Variants in OCLN observed in about 807,000 individuals in gnomAD.
OCLN encodes the protein phosphatase 1, regulatory subunit 115.
OCLN carries 21 observed loss-of-function variants against 47.9 expected under a neutral mutation model. The ratio of observed to expected loss-of-function variants is 0.44; its 90% CI spans 0.31 to 0.63. OCLN has a LOEUF of 0.63. Among genes scored for constraint, OCLN ranks in the 30% least tolerant of loss-of-function variants. The pLI, the probability that OCLN is intolerant of heterozygous loss-of-function variation, is 0.08. For synonymous variants in OCLN, 117 were observed against 198.4 expected (o/e 0.59, Z 3.45); for missense variants, 360 against 571.0 (o/e 0.63, Z 3.77).
At chr5:69,531,739 T>G (rs1769437835) in intron 4 of OCLN, among the ~76,000 whole-genome samples, 1 of 152,370 alleles carries the variant, frequency 6.6e-6, no homozygotes, top group African/African-American at 2.4e-5. Context: ...TCTCTGAATG[T>G]TAAACAATCA....
rs556642073 is a variant in OCLN at position 69,533,794 on chromosome 5, A to G, written c.892-900A>G. Among the ~76,000 whole-genome samples the G allele has an allele frequency of 1.5e-3, 232 of 152,294 alleles. 1 individual carries two copies. Among genetic ancestry groups the G allele is most frequent in the African/African-American group, 5.5e-3 (227 of 41,556 alleles). ...CAGCCTCCCGAGTAGCTGGGACTACAGGTGCATGCCACCACGCCCAGCTAA... is the reference window on the plus strand; with the variant it reads ...CAGCCTCCCGAGTAGCTGGGACTACGGGTGCATGCCACCACGCCCAGCTAA... On this transcript the variant is annotated intron_variant, in intron 4 of 8. Coordinates refer to ENST00000396442, the MANE Select transcript of OCLN (RefSeq NM_001205254.2).
At chr5:69,526,386 T>C (rs946974003) in intron 4 of OCLN, among the ~76,000 whole-genome samples, 1 of 152,180 alleles carries the variant, frequency 6.6e-6, no homozygotes, top group African/African-American at 2.4e-5. Flanking sequence ...GATGATTGGC[T>C]CACAGGCTGG....
chr5:69,504,775 A>T (rs547512437), intron 2 of OCLN, among the ~76,000 whole-genome samples: 29 of 151,786 alleles, frequency 1.9e-4, no homozygotes, highest in African/African-American at 6.5e-4. Context: ...TCTCTACTAA[A>T]AATACAAAAA....
intron 3 of OCLN, among the ~76,000 whole-genome samples, chr5:69,512,956 C>T (rs915683283): frequency 1.3e-5 from 2 of 152,070 alleles, no homozygotes; most frequent in Non-Finnish European, 2.9e-5. Flanking sequence ...GGAGTTAGAC[C>T]TCTAGTATCT....
chr5:69,521,397 C>G (rs959765509), intron 4 of OCLN, among the ~76,000 whole-genome samples: 14 of 152,286 alleles, frequency 9.2e-5, no homozygotes, highest in Admixed American at 5.2e-4. Context: ...TGAACATTCT[C>G]TCACATGTCT....
chr5:69,550,536 A>AAATT (rs1769839403), intron 7 of OCLN, among the ~76,000 whole-genome samples: 1 of 148,658 alleles, frequency 6.7e-6, no homozygotes, highest in South Asian at 2.2e-4. Flanking sequence ...AATTGCTGAG[A>AAATT]GTCAGAGGGT....
intron 1 of OCLN, among the ~76,000 whole-genome samples, chr5:69,499,300 C>G (rs1313122110): frequency 6.6e-6 from 1 of 151,970 alleles, no homozygotes; most frequent in Non-Finnish European, 1.5e-5. Flanking sequence ...GTCTTGGACT[C>G]CTGGGTTCAA....
intron 4 of OCLN, among the ~76,000 whole-genome samples, chr5:69,522,894 C>CTTTT (rs60505522): frequency 2.1e-4 from 24 of 116,874 alleles, no homozygotes; most frequent in African/African-American, 5.4e-4. Context: ...GCCTGGCTGA[C>CTTTT]TTTTTTTTTT....
chr5:69,497,150 G>T (rs1404293224), intron 1 of OCLN, among the ~76,000 whole-genome samples: 9 of 152,088 alleles, frequency 5.9e-5, no homozygotes, highest in Admixed American at 3.3e-4. Context: ...AGCTCAAATT[G>T]TTGTTAGTTA....
chr5:69,514,428 CT>C (rs1384396797), intron 4 of OCLN, among the ~76,000 whole-genome samples: 1 of 152,078 alleles, frequency 6.6e-6, no homozygotes, highest in Non-Finnish European at 1.5e-5. Context: ...TATTTTTCTG[CT>C]TATCATTTTG....
At chr5:69,527,762 G>A (rs979026912) in intron 4 of OCLN, among the ~76,000 whole-genome samples, 3 of 151,994 alleles carry the variant, frequency 2.0e-5, no homozygotes, top group Non-Finnish European at 2.9e-5. Context: ...CATGAATGCT[G>A]GTCAGCTGTG....
chr5:69,510,041 A>G (rs1471054432), intron 3 of OCLN, among the ~76,000 whole-genome samples: 1 of 152,198 alleles, frequency 6.6e-6, no homozygotes, highest in Non-Finnish European at 1.5e-5. Flanking sequence ...ATATTCACAG[A>G]ATTGTGCCAC....
At chr5:69,503,091 A>G (rs529341757) in intron 1 of OCLN, among the ~76,000 whole-genome samples, 2 of 152,298 alleles carry the variant, frequency 1.3e-5, no homozygotes, top group Admixed American at 1.3e-4. Flanking sequence ...TGAGGATGAA[A>G]GGAGGTTTTA....
At chr5:69,514,226 T>C in intron 4 of OCLN, 117 bp downstream of exon 4, 1 of 942,694 alleles carries the variant, frequency 1.1e-6, no homozygotes, top group Non-Finnish European at 1.7e-6. Flanking sequence ...TTGCAAAGGT[T>C]GTTGCATTGG....
chr5:69,548,315 G>GTTT (rs1440727396), intron 7 of OCLN, among the ~76,000 whole-genome samples: 2 of 134,110 alleles, frequency 1.5e-5, no homozygotes, highest in African/African-American at 2.8e-5. Flanking sequence ...GCACTATTCT[G>GTTT]TTTTTTTTTT....
intron 1 of OCLN, among the ~76,000 whole-genome samples, chr5:69,499,747 G>C (rs1248803172): frequency 6.6e-6 from 1 of 152,116 alleles, no homozygotes. Context: ...ACCAAGCCCA[G>C]CTAATTTTTG....
intron 2 of OCLN, 85 bp downstream of exon 2, chr5:69,504,379 C>G: frequency 3.5e-6 from 3 of 858,336 alleles, no homozygotes; most frequent in Non-Finnish European, 5.9e-6. Context: ...TAAGTGTTTG[C>G]TTTTAAAAAT....
intron 4 of OCLN, among the ~76,000 whole-genome samples, chr5:69,516,919 G>A (rs1561340852): frequency 6.6e-6 from 1 of 152,072 alleles, no homozygotes; most frequent in Non-Finnish European, 1.5e-5. Context: ...AATTAGCTGG[G>A]CATGATGATG....
chr5:69,504,812 C>T (rs1041919504), intron 2 of OCLN, among the ~76,000 whole-genome samples: 1 of 152,056 alleles, frequency 6.6e-6, no homozygotes, highest in African/African-American at 2.4e-5. Context: ...GCGCGCACCT[C>T]TAATCCCAGC....
Sources: gnomAD v4.1 joint callset for allele counts (sites outside exome capture counted in the v4.1 genomes callset) on GRCh38, gnomAD v4.1.1 for gene constraint, MANE v1.5 for transcripts, NCBI Gene and HGNC (gene_info 2026-07-23, HGNC 2026-07-21) for gene names.